Variants in EBF1 observed in about 807,000 individuals in gnomAD.
EBF1 encodes the protein transcription factor COE1.
In EBF1, 10 loss-of-function variants were observed where a neutral mutation model predicts 68.4. The ratio of observed to expected loss-of-function variants is 0.15; its 90% CI spans 0.09 to 0.25. The LOEUF is 0.25. EBF1 is among the 10% of genes least tolerant of loss of function. The pLI is 1.00. For synonymous variants in EBF1, 298 were observed against 299.8 expected, an observed-to-expected ratio of 0.99 and a Z score of 0.06; for missense variants, 509 against 794.4, an observed-to-expected ratio of 0.64 and a Z score of 4.32.
chr5:158,742,839 T>C (rs541095645), intron 10 of EBF1, among the ~76,000 whole-genome samples: 2 of 152,312 alleles, frequency 1.3e-5, no homozygotes, highest in East Asian at 3.9e-4. Context: ...GTAAGTTCTG[T>C]GAACAAAGGA....
intron 8 of EBF1, among the ~76,000 whole-genome samples, chr5:158,809,046 T>C (rs955656384): frequency 1.3e-5 from 2 of 152,148 alleles, no homozygotes; most frequent in African/African-American, 2.4e-5. Flanking sequence ...CATGTGTTTA[T>C]AGCTGGGCAT....
At chr5:159,080,208 G>A (rs1045863164) in intron 5 of EBF1, among the ~76,000 whole-genome samples, 61 of 152,034 alleles carry the variant, frequency 4.0e-4, no homozygotes, top group African/African-American at 1.4e-3. Flanking sequence ...TGAAACAGAC[G>A]TGCCCAAACA....
rs1332369575 is a variant in EBF1, at chr5:159,085,239, G to A, written c.412-500C>T. Among the ~76,000 whole-genome samples the A allele has an allele frequency of 2.0e-5, 3 of 152,148 alleles. No individual in the cohort carries two copies. In the East Asian group the frequency reaches 5.8e-4, roughly 29 times the overall value. ...GGAGTCCATTCACTAACTGTGTCAT[G>A]TTTGCAATGATTTATCAATCAGGGA... On this transcript the variant is annotated intron_variant, in intron 4 of 15. Transcript: ENST00000313708.
chr5:159,097,275 G>C, intron 1 of EBF1, 145 bp from the exon 2 acceptor site: 1 of 904,570 alleles, frequency 1.1e-6, no homozygotes. Flanking sequence ...CCCTTCAGGC[G>C]ACATAGACCC....
intron 10 of EBF1, among the ~76,000 whole-genome samples, chr5:158,738,799 G>T (rs370619819): frequency 6.6e-6 from 1 of 152,156 alleles, no homozygotes; most frequent in South Asian, 2.1e-4. Flanking sequence ...ACCTCAATTT[G>T]CCACACATTA....
chr5:158,832,423 T>A (rs1787782880), intron 7 of EBF1, among the ~76,000 whole-genome samples: 1 of 152,248 alleles, frequency 6.6e-6, no homozygotes, highest in African/African-American at 2.4e-5. Flanking sequence ...TAATCCTGTA[T>A]TCTGAAACTA....
At chr5:158,787,095 C>T (rs1036496689) in intron 9 of EBF1, among the ~76,000 whole-genome samples, 3 of 152,146 alleles carry the variant, frequency 2.0e-5, no homozygotes, top group African/African-American at 7.2e-5. Context: ...GTAAGCACTA[C>T]AAAAAACTGA....
chr5:158,763,259 G>C (rs778250425), intron 10 of EBF1, among the ~76,000 whole-genome samples: 28 of 152,124 alleles, frequency 1.8e-4, no homozygotes, highest in Non-Finnish European at 2.5e-4. Flanking sequence ...AGTGCAGCAG[G>C]GGACAGTATA....
At chr5:158,970,962 G>GTT (rs1277686791) in intron 6 of EBF1, among the ~76,000 whole-genome samples, 1 of 152,154 alleles carries the variant, frequency 6.6e-6, no homozygotes, top group Non-Finnish European at 1.5e-5. Context: ...TTACAGGGAG[G>GTT]TTCCCCTGGG....
At chr5:158,775,802 A>ATG (rs1775087679) in intron 10 of EBF1, among the ~76,000 whole-genome samples, 1 of 150,094 alleles carries the variant, frequency 6.7e-6, no homozygotes, top group Non-Finnish European at 1.5e-5. Context: ...ACACACACAC[A>ATG]CACACACACA....
chr5:158,902,433 T>C (rs1474629864), intron 6 of EBF1, among the ~76,000 whole-genome samples: 1 of 130,704 alleles, frequency 7.7e-6, no homozygotes, highest in Non-Finnish European at 1.7e-5. Context: ...TTTTTTTTTT[T>C]CTTCTAGAAA....
intron 6 of EBF1, among the ~76,000 whole-genome samples, chr5:159,072,968 G>A (rs1263865317): frequency 6.6e-6 from 1 of 152,186 alleles, no homozygotes; most frequent in Non-Finnish European, 1.5e-5. Flanking sequence ...AAACCTTAAA[G>A]TGTAGATGGA....
intron 9 of EBF1, among the ~76,000 whole-genome samples, chr5:158,785,253 G>A (rs770122556): frequency 5.9e-5 from 9 of 152,076 alleles, no homozygotes; most frequent in Non-Finnish European, 1.0e-4. Context: ...AGGCAAACTT[G>A]TTTTCCCTCC....
At chr5:158,912,114 T>C (rs1806116761) in intron 6 of EBF1, among the ~76,000 whole-genome samples, 1 of 152,244 alleles carries the variant, frequency 6.6e-6, no homozygotes, top group Non-Finnish European at 1.5e-5. Flanking sequence ...GCACCTGCTA[T>C]TGACTCAGGG....
chr5:159,021,976 G>C lies in EBF1; in HGVS notation c.554+51420C>G, dbSNP rs779084547. 1.4e-4 allele frequency among the ~76,000 whole-genome samples: 21 copies of C among 147,644 alleles called. No individual in the cohort carries two copies. The East Asian group carries it at 4.0e-3, about 28-fold the overall frequency. On this transcript the variant is annotated intron_variant, in intron 6 of 15. Transcript: ENST00000313708. ...CTGCTAATTGTGAAACGCTGTGTTG[G>C]ATACACTCGAGTGTTGCAATAAGTG... is the stretch of plus-strand genomic sequence containing the variant.
At chr5:158,817,497 T>A (rs1783991310) in intron 8 of EBF1, among the ~76,000 whole-genome samples, 1 of 152,122 alleles carries the variant, frequency 6.6e-6, no homozygotes, top group South Asian at 2.1e-4. Flanking sequence ...CACAATAGGA[T>A]GATGCAGCCT....
At chr5:158,937,611 G>A (rs1024556440) in intron 6 of EBF1, among the ~76,000 whole-genome samples, 10 of 152,202 alleles carry the variant, frequency 6.6e-5, no homozygotes, top group African/African-American at 2.2e-4. Flanking sequence ...AGGAAAACTT[G>A]GGCTGAATAT....
At chr5:158,947,112 G>C (rs1202270957) in intron 6 of EBF1, among the ~76,000 whole-genome samples, 1 of 152,202 alleles carries the variant, frequency 6.6e-6, no homozygotes, top group African/African-American at 2.4e-5. Flanking sequence ...GTGGATCTTA[G>C]CTTGCTGGGC....
intron 6 of EBF1, among the ~76,000 whole-genome samples, chr5:158,987,881 G>A (rs1759417397): frequency 6.6e-6 from 1 of 152,150 alleles, no homozygotes; most frequent in South Asian, 2.1e-4. Flanking sequence ...CTTTCTGAAG[G>A]AGGAAAGTCA....
Sources: gnomAD v4.1 joint callset for allele counts (sites outside exome capture counted in the v4.1 genomes callset) on GRCh38, gnomAD v4.1.1 for gene constraint, MANE v1.5 for transcripts, NCBI Gene and HGNC (gene_info 2026-07-23, HGNC 2026-07-21) for gene names.